ERBB4: variants seen among roughly 807,000 people sequenced by gnomAD.
ERBB4 encodes receptor tyrosine-protein kinase erbB-4.
ERBB4 carries 42 observed loss-of-function variants against 158.0 expected under a neutral mutation model. The ratio of observed to expected loss-of-function variants is 0.27; its 90% CI spans 0.21 to 0.34. The LOEUF is 0.34. Among genes scored for constraint, ERBB4 ranks in the 10% least tolerant of loss-of-function variants. The pLI is 1.00. For synonymous variants in ERBB4, 583 were observed against 558.7 expected, an observed-to-expected ratio of 1.04 and a Z score of -0.61; for missense variants, 1,333 against 1,624.1, an observed-to-expected ratio of 0.82 and a Z score of 3.08.
chr2:212,434,111 C>T (rs186810420), intron 1 of ERBB4, among the ~76,000 whole-genome samples: 3 of 152,042 alleles, frequency 2.0e-5, no homozygotes, highest in Non-Finnish European at 4.4e-5. Flanking sequence ...CCTTAGGGGT[C>T]AGCAAGAGAA....
chr2:212,374,793 A>G (rs964024729), intron 1 of ERBB4, among the ~76,000 whole-genome samples: 1 of 151,992 alleles, frequency 6.6e-6, no homozygotes, highest in Admixed American at 6.6e-5. Flanking sequence ...TGGGGCAAGA[A>G]AATTTTCTTT....
At chr2:212,060,298 A>T (rs2077719511) in intron 2 of ERBB4, among the ~76,000 whole-genome samples, 1 of 152,064 alleles carries the variant, frequency 6.6e-6, no homozygotes, top group Non-Finnish European at 1.5e-5. Context: ...ATCATTAAAA[A>T]GTCAAGAAAC....
At position 212,370,135 on chromosome 2, in the gene ERBB4, C is replaced by T. The variant is rs562451275; in HGVS notation, c.82+168314G>A. On this transcript the variant is annotated intron_variant, in intron 1 of 27. Transcript: ENST00000342788. The stretch of plus-strand genomic sequence containing the variant: ...CAGGTCCAGGTAGAGATAATTGAAT[C>T]ATGGGGGTGGTTTCCTCCATGCTGT... Among the ~76,000 whole-genome samples the T allele has an allele frequency of 1.6e-3, 250 of 152,166 alleles. 3 individuals are homozygous for T. Among genetic ancestry groups the T allele is most frequent in the South Asian group, 1.2e-3 (6 of 4,814 alleles).
intron 1 of ERBB4, among the ~76,000 whole-genome samples, chr2:212,314,123 T>A (rs922523521): frequency 1.3e-5 from 2 of 151,194 alleles, no homozygotes; most frequent in Non-Finnish European, 3.0e-5. Flanking sequence ...CTGAATTCAC[T>A]AAGACACTGA....
intron 1 of ERBB4, among the ~76,000 whole-genome samples, chr2:212,281,136 G>T (rs993139545): frequency 6.6e-6 from 1 of 151,238 alleles, no homozygotes; most frequent in Admixed American, 6.6e-5. Context: ...TGCAATTTAA[G>T]AAATCTTCTG....
intron 3 of ERBB4, among the ~76,000 whole-genome samples, chr2:211,944,081 C>CTATATA (rs58348907): frequency 0.014 from 1,841 of 133,604 alleles, 52 homozygotes; most frequent in African/African-American, 0.047. Flanking sequence ...CATGGTTACA[C>CTATATA]TATATATATA....
At chr2:211,724,720 A>C (rs1240725768) in intron 6 of ERBB4, among the ~76,000 whole-genome samples, 5 of 152,204 alleles carry the variant, frequency 3.3e-5, no homozygotes, top group Non-Finnish European at 7.4e-5. Flanking sequence ...TTCAAGAAAT[A>C]AAATGCAATT....
At chr2:211,910,265 G>C (rs2079509381) in intron 3 of ERBB4, among the ~76,000 whole-genome samples, 1 of 151,254 alleles carries the variant, frequency 6.6e-6, no homozygotes, top group African/African-American at 2.4e-5. Flanking sequence ...TTAGCTTATA[G>C]TTTAATTCTG....
intron 3 of ERBB4, among the ~76,000 whole-genome samples, chr2:211,943,804 G>C (rs1031433846): frequency 3.9e-5 from 6 of 151,942 alleles, no homozygotes; most frequent in African/African-American, 1.5e-4. Context: ...ATGTAAATAA[G>C]ATCTGCAGTA....
intron 20 of ERBB4, among the ~76,000 whole-genome samples, chr2:211,449,866 C>T (rs771393975): frequency 2.6e-5 from 4 of 152,136 alleles, no homozygotes; most frequent in Non-Finnish European, 5.9e-5. Context: ...AGGGAATTAA[C>T]ATTCAAGTGT....
At chr2:211,767,306 G>A (rs1252134913) in intron 4 of ERBB4, among the ~76,000 whole-genome samples, 1 of 152,050 alleles carries the variant, frequency 6.6e-6, no homozygotes, top group Non-Finnish European at 1.5e-5. Context: ...ACTGAATAGA[G>A]TCAGTGTAAT....
intron 1 of ERBB4, among the ~76,000 whole-genome samples, chr2:212,501,329 C>T (rs2106240444): frequency 6.6e-6 from 1 of 152,224 alleles, no homozygotes; most frequent in Admixed American, 6.5e-5. Context: ...AGGAGTGAGC[C>T]TTGTGAAATG....
At chr2:212,350,077 G>T (rs543120896) in intron 1 of ERBB4, among the ~76,000 whole-genome samples, 5 of 152,070 alleles carry the variant, frequency 3.3e-5, no homozygotes, top group African/African-American at 1.2e-4. Flanking sequence ...TTTCTGCCAT[G>T]TGAAGAAGTA....
intron 2 of ERBB4, among the ~76,000 whole-genome samples, chr2:212,116,345 T>C (rs1252935252): frequency 1.3e-5 from 2 of 152,194 alleles, no homozygotes; most frequent in Admixed American, 1.3e-4. Context: ...AAATATTTAC[T>C]ATCAGTTATA....
chr2:211,746,314 G>C (rs1050217790), intron 5 of ERBB4, among the ~76,000 whole-genome samples: 4 of 152,156 alleles, frequency 2.6e-5, no homozygotes, highest in Non-Finnish European at 4.4e-5. Flanking sequence ...ATTTGTACTT[G>C]CTTATTAGGT....
chr2:211,599,287 T>C (rs1234200086), intron 19 of ERBB4, among the ~76,000 whole-genome samples: 3 of 152,188 alleles, frequency 2.0e-5, no homozygotes, highest in Non-Finnish European at 4.4e-5. Context: ...TGCACTCGTA[T>C]GCATACTTTT....
intron 1 of ERBB4, among the ~76,000 whole-genome samples, chr2:212,437,623 C>A (rs1483135407): frequency 6.6e-6 from 1 of 151,976 alleles, no homozygotes; most frequent in Non-Finnish European, 1.5e-5. Context: ...GTACATGCTA[C>A]AGAATAATGT....
At chr2:212,073,263 T>G (rs953199933) in intron 2 of ERBB4, among the ~76,000 whole-genome samples, 1 of 152,006 alleles carries the variant, frequency 6.6e-6, no homozygotes, top group Non-Finnish European at 1.5e-5. Context: ...TGGAGGTCAC[T>G]TCAGGATTTA....
intron 1 of ERBB4, among the ~76,000 whole-genome samples, chr2:212,378,002 T>C (rs2090382021): frequency 6.6e-6 from 1 of 151,708 alleles, no homozygotes; most frequent in African/African-American, 2.4e-5. Flanking sequence ...CAAACACACA[T>C]TAGCCTAGGC....
Sources: allele counts gnomAD v4.1 joint callset (sites outside exome capture counted in the v4.1 genomes callset), GRCh38; gene constraint gnomAD v4.1.1; transcripts MANE v1.5; gene names NCBI Gene and HGNC (gene_info 2026-07-23, HGNC 2026-07-21).